LTBP1: variants seen among roughly 807,000 people sequenced by gnomAD.
LTBP1 encodes latent transforming growth factor beta binding protein 1.
In LTBP1, 129 loss-of-function variants were observed where a neutral mutation model predicts 207.6. The ratio of observed to expected loss-of-function variants is 0.62; its 90% confidence interval spans 0.54 to 0.72. The LOEUF (loss-of-function observed/expected upper bound fraction) is 0.72, where lower values mean the gene tolerates loss of function less well. Ranked by LOEUF, LTBP1 falls within the 30% of genes least tolerant of loss-of-function variation. LTBP1 has a pLI of 0.00. For missense variants in LTBP1, 2,281 were observed against 2,217.2 expected (o/e 1.03, Z -0.58); for synonymous variants, 963 against 833.7 (o/e 1.16, Z -2.67).
intron 3 of LTBP1, among the ~76,000 whole-genome samples, chr2:33,036,675 C>A (rs2075941616): frequency 6.6e-6 from 1 of 152,148 alleles, no homozygotes. Flanking sequence ...CCAGTCTGGT[C>A]TTGTACTCCT....
chr2:33,365,578 T>G, intron 31 of LTBP1, 75 bp downstream of exon 31: 1 of 1,443,166 alleles, frequency 6.9e-7, no homozygotes, highest in African/African-American at 1.4e-5. Context: ...TAGCCTGACA[T>G]TTCTCTTCTG....
At chr2:33,291,636 A>G (rs893005096) in intron 19 of LTBP1, 1 of 152,236 alleles carries the variant, frequency 6.6e-6, no homozygotes, top group African/African-American at 2.4e-5. Context: ...TCAGCTCACC[A>G]TAATTAGTGA....
chr2:33,035,733 C>T (rs149142227), intron 3 of LTBP1, among the ~76,000 whole-genome samples: 67 of 152,296 alleles, frequency 4.4e-4, no homozygotes, highest in African/African-American at 1.5e-3. Context: ...TATAATTCTA[C>T]GTTCACGACT....
chr2:33,395,141 T>C (rs2095347539), intron 32 of LTBP1, among the ~76,000 whole-genome samples: 1 of 152,316 alleles, frequency 6.6e-6, no homozygotes, highest in Non-Finnish European at 1.5e-5. Flanking sequence ...TTCTACTGAG[T>C]GCAGACATTG....
intron 2 of LTBP1, among the ~76,000 whole-genome samples, chr2:32,962,862 G>C (rs1572843975): frequency 6.6e-6 from 1 of 152,384 alleles, no homozygotes; most frequent in East Asian, 1.9e-4. Context: ...TAAACCAGGA[G>C]CTCTGGGATG....
chr2:33,390,976 G>C (rs925593959), intron 32 of LTBP1, among the ~76,000 whole-genome samples: 1 of 151,610 alleles, frequency 6.6e-6, no homozygotes, highest in Non-Finnish European at 1.5e-5. Context: ...TTTCAGTTCT[G>C]CATCAAGAGC....
chr2:33,209,263 A>G (rs939183419), intron 7 of LTBP1, among the ~76,000 whole-genome samples: 2 of 152,126 alleles, frequency 1.3e-5, no homozygotes, highest in Admixed American at 1.3e-4. Flanking sequence ...ACCTGAAAGG[A>G]CAGCTATATT....
At chr2:33,062,946 G>T (rs1182159220) in intron 3 of LTBP1, 4 of 152,156 alleles carry the variant, frequency 2.6e-5, no homozygotes, top group African/African-American at 7.2e-5. Flanking sequence ...TAAAACTTAT[G>T]AATTGTTTAA....
chr2:33,059,793 A>G (rs1472851410), intron 3 of LTBP1, among the ~76,000 whole-genome samples: 3 of 152,250 alleles, frequency 2.0e-5, no homozygotes, highest in Non-Finnish European at 4.4e-5. Flanking sequence ...AATTTTGAGC[A>G]TAAAAGCTTT....
chr2:33,034,242 A>AT (rs1294864935), intron 3 of LTBP1, among the ~76,000 whole-genome samples: 3 of 146,850 alleles, frequency 2.0e-5, no homozygotes, highest in African/African-American at 7.5e-5. Flanking sequence ...AAAAAAAAAA[A>AT]GGCTAAAATG....
At chr2:33,163,712 G>A (rs2084663140) in intron 5 of LTBP1, among the ~76,000 whole-genome samples, 2 of 152,146 alleles carry the variant, frequency 1.3e-5, no homozygotes, top group Non-Finnish European at 2.9e-5. Flanking sequence ...AATAAAAGAA[G>A]CAGCACCTGG....
intron 26 of LTBP1, among the ~76,000 whole-genome samples, chr2:33,348,040 G>C (rs558923754): frequency 6.6e-6 from 1 of 152,158 alleles, no homozygotes; most frequent in African/African-American, 2.4e-5. Context: ...AGGCTGTGTC[G>C]TCACTGTGCA....
intron 2 of LTBP1, among the ~76,000 whole-genome samples, chr2:32,950,225 G>A (rs559730489): frequency 2.8e-4 from 43 of 152,274 alleles, no homozygotes; most frequent in African/African-American, 9.6e-4. Flanking sequence ...TCTGTTAACA[G>A]CACCACTGCA....
At chr2:33,362,024 A>C (rs1209771476) in intron 28 of LTBP1, among the ~76,000 whole-genome samples, 1 of 152,228 alleles carries the variant, frequency 6.6e-6, no homozygotes, top group African/African-American at 2.4e-5. Flanking sequence ...AAGAGAAGAC[A>C]ACCAAAGTAG....
At chr2:32,985,411 A>T (rs1012899144) in intron 2 of LTBP1, among the ~76,000 whole-genome samples, 11 of 152,208 alleles carry the variant, frequency 7.2e-5, no homozygotes, top group African/African-American at 2.7e-4. Flanking sequence ...GAGAGGATAA[A>T]TTCTCACAGC....
Position 33,031,187 on chromosome 2 carries a change from C to T in LTBP1, c.863+9981C>T, listed in dbSNP as rs148883030. 3.7e-3 allele frequency among the ~76,000 whole-genome samples: 567 copies of T among 151,610 alleles called. 3 individuals are homozygous for T. The highest frequency in any genetic ancestry group is 0.013 in the African/African-American group (528 of 41,494). On this transcript the variant is annotated intron_variant, in intron 3 of 33. Transcript: ENST00000404816. ...ATGAGGACAAGAATACAATCTGTTA[C>T]TCATTGACTGGGTAATTTATTTCAG...
At chr2:33,385,413 T>G (rs2095257223) in intron 31 of LTBP1, among the ~76,000 whole-genome samples, 1 of 152,240 alleles carries the variant, frequency 6.6e-6, no homozygotes, top group Non-Finnish European at 1.5e-5. Context: ...TAAAAAAAAC[T>G]TCATTTATTT....
At chr2:33,010,940 G>A (rs536560783) in intron 2 of LTBP1, among the ~76,000 whole-genome samples, 14 of 152,088 alleles carry the variant, frequency 9.2e-5, no homozygotes, top group South Asian at 6.2e-4. Flanking sequence ...GGATGGTCTC[G>A]ATCTCTTGAC....
chr2:33,309,507 T>C lies in LTBP1; in HGVS notation c.3555T>C (p.Asp1185=), dbSNP rs2149154599. ...GCATTAATACTGCAGGGTCCTATGA[T>C]TGTACTTGTCCGGATGGATTTCAGC... The part of the protein sequence containing the change: ...GDCINTAGSY[D]CTCPDGFQLD... The change falls in exon 23 of 34, where the codon GAT becomes GAC. Residue 1185 remains aspartate, a synonymous_variant. Transcript: ENST00000404816. 1.2e-6 allele frequency: 2 copies of C among 1,611,028 alleles called. No homozygotes were observed. Among genetic ancestry groups the C allele is most frequent in the Non-Finnish European group, 1.7e-6 (2 of 1,178,806 alleles).
Sources: allele counts gnomAD v4.1 joint callset (sites outside exome capture counted in the v4.1 genomes callset), GRCh38; gene constraint gnomAD v4.1.1; transcripts MANE v1.5; gene names NCBI Gene and HGNC (gene_info 2026-07-23, HGNC 2026-07-21).